FGGY: variants seen among roughly 807,000 people sequenced by gnomAD.
FGGY encodes FGGY carbohydrate kinase domain containing.
FGGY carries 72 observed loss-of-function variants against 71.3 expected under a neutral mutation model. The observed-to-expected ratio is 1.01, with a 90% CI of 0.84 to 1.23. The LOEUF (loss-of-function observed/expected upper bound fraction) is 1.23. Ranked by LOEUF, FGGY falls within the 50% of genes most tolerant of loss-of-function variation. FGGY has a pLI of 0.00. For synonymous variants in FGGY, 251 were observed against 250.3 expected (o/e 1.00, Z -0.02); for missense variants, 668 against 682.3 (o/e 0.98, Z 0.23).
intron 11 of FGGY, among the ~76,000 whole-genome samples, chr1:59,659,201 CA>C (rs1344880551): frequency 6.6e-6 from 1 of 151,616 alleles, no homozygotes; most frequent in Non-Finnish European, 1.5e-5. Context: ...GACTCTGTCT[CA>C]AAAAAAAGAG....
chr1:59,598,845 T>G (rs1360522066), intron 8 of FGGY, among the ~76,000 whole-genome samples: 1 of 152,250 alleles, frequency 6.6e-6, no homozygotes, highest in Non-Finnish European at 1.5e-5. Flanking sequence ...ATGGTAGCCA[T>G]GTCCTGCACT....
chr1:59,711,291 A>G (rs1460324617), intron 14 of FGGY, among the ~76,000 whole-genome samples: 3 of 152,098 alleles, frequency 2.0e-5, no homozygotes, highest in Non-Finnish European at 4.4e-5. Flanking sequence ...GGGCCTGTCA[A>G]GCAGTCGGGG....
At chr1:59,664,171 T>C (rs764933519) in intron 12 of FGGY, among the ~76,000 whole-genome samples, 1 of 152,254 alleles carries the variant, frequency 6.6e-6, no homozygotes, top group Non-Finnish European at 1.5e-5. Flanking sequence ...TTCGGTTCTG[T>C]ACATTCCCAG....
chr1:59,591,510 GA>G (rs2096436906), intron 8 of FGGY, among the ~76,000 whole-genome samples: 2 of 151,792 alleles, frequency 1.3e-5, no homozygotes, highest in South Asian at 4.1e-4. Context: ...GAACAAACTG[GA>G]GGCATCACGC....
At chr1:59,360,507 C>G (rs1330852611) in intron 4 of FGGY, among the ~76,000 whole-genome samples, 1 of 152,138 alleles carries the variant, frequency 6.6e-6, no homozygotes, top group Non-Finnish European at 1.5e-5. Flanking sequence ...CCAGGGCTTT[C>G]CCCCAGGCTT....
In FGGY at chr1:59,380,739, A is replaced by G. The variant is rs559594988; in HGVS notation, c.554+1902A>G. On this transcript the variant is annotated intron_variant, in intron 5 of 15. Transcript: ENST00000303721. Reference sequence around the variant, plus strand: ...TGCAAAAATTTTCTCCCATTCTGTAAGTTGCCTGTTCACTCTGATGGTAGT... The same window carrying G: ...TGCAAAAATTTTCTCCCATTCTGTAGGTTGCCTGTTCACTCTGATGGTAGT... Among the ~76,000 whole-genome samples the G allele has an allele frequency of 3.6e-4, 55 of 151,520 alleles. No homozygotes were observed. In the East Asian group the frequency reaches 0.01, roughly 28 times the overall value.
intron 10 of FGGY, among the ~76,000 whole-genome samples, chr1:59,629,914 G>A (rs548760909): frequency 1.3e-5 from 2 of 152,274 alleles, no homozygotes; most frequent in African/African-American, 4.8e-5. Context: ...CAATAATGAT[G>A]ATCACTACTA....
rs147116208 is a variant in FGGY at position 59,452,487 on chromosome 1, A to G, written c.555-4474A>G. Reference sequence around the variant, plus strand: ...CTGATTTCTCATTGTTTTCATCATTAAAAGATTCTACCATATTTTTCATCA... The same window carrying G: ...CTGATTTCTCATTGTTTTCATCATTGAAAGATTCTACCATATTTTTCATCA... On this transcript the variant is annotated intron_variant, in intron 5 of 15. Transcript: ENST00000303721. Among the ~76,000 whole-genome samples, 544 of 152,318 alleles carry G rather than the reference A, an allele frequency of 3.6e-3. 2 individuals carry two copies. The highest frequency in any genetic ancestry group is 0.012 in the African/African-American group (484 of 41,566).
chr1:59,447,712 C>T (rs996130673), intron 5 of FGGY, among the ~76,000 whole-genome samples: 1 of 152,188 alleles, frequency 6.6e-6, no homozygotes, highest in South Asian at 2.1e-4. Context: ...TTCTCCTCCT[C>T]TCTTGTCTGC....
chr1:59,474,407 A>T (rs2093157434), intron 6 of FGGY, among the ~76,000 whole-genome samples: 1 of 152,204 alleles, frequency 6.6e-6, no homozygotes, highest in Non-Finnish European at 1.5e-5. Context: ...AGACTCAGGG[A>T]TGTGAGGTGA....
chr1:59,457,038 G>C lies in FGGY; in HGVS notation c.632G>C (p.Gly211Ala), dbSNP rs1244349188. The C allele has an allele frequency of 6.2e-7, 1 of 1,613,942 alleles. No homozygotes were observed. The highest frequency in any genetic ancestry group is 1.3e-5 in the African/African-American group (1 of 74,916). Residue 211 changes from glycine to alanine, a missense_variant, in exon 6 of 16, where the codon GGT becomes GCT. Physicochemically the swap from Gly to Ala is moderately conservative, Grantham distance 60. Coordinates refer to ENST00000303721, the MANE Select transcript of FGGY (RefSeq NM_018291.5). ...GWDDSFWKMI[G>A]LEDFVADNYS... ...GACGACAGTTTCTGGAAAATGATTGGTTTGGAAGACTTTGTTGCAGATAAT... is the reference window on the plus strand; with the variant it reads ...GACGACAGTTTCTGGAAAATGATTGCTTTGGAAGACTTTGTTGCAGATAAT...
intron 9 of FGGY, among the ~76,000 whole-genome samples, chr1:59,620,018 A>AG (rs554224364): frequency 1.9e-4 from 29 of 152,056 alleles, no homozygotes; most frequent in African/African-American, 7.0e-4. Context: ...GAAAAGAGAG[A>AG]GGCCAAGGCT....
chr1:59,409,714 T>C (rs990278543), intron 5 of FGGY, among the ~76,000 whole-genome samples: 1 of 151,868 alleles, frequency 6.6e-6, no homozygotes, highest in East Asian at 1.9e-4. Context: ...AGTTAGTAGA[T>C]TGTCTTTCTA....
intron 5 of FGGY, among the ~76,000 whole-genome samples, chr1:59,417,087 A>T (rs2064585976): frequency 6.6e-6 from 1 of 152,204 alleles, no homozygotes; most frequent in Non-Finnish European, 1.5e-5. Flanking sequence ...TTCGCCCTCA[A>T]AAGAAATCTC....
intron 3 of FGGY, among the ~76,000 whole-genome samples, chr1:59,344,335 T>G (rs1331895929): frequency 2.0e-5 from 3 of 152,040 alleles, no homozygotes; most frequent in African/African-American, 7.2e-5. Flanking sequence ...TTTTAAACAT[T>G]CTTTTCAAAG....
chr1:59,713,256 C>T (rs1240630427), intron 14 of FGGY, among the ~76,000 whole-genome samples: 5 of 152,220 alleles, frequency 3.3e-5, no homozygotes, highest in Admixed American at 3.3e-4. Context: ...TTGTCAAAGC[C>T]ATTCAACAAG....
intron 11 of FGGY, among the ~76,000 whole-genome samples, chr1:59,648,989 C>G (rs909763915): frequency 6.6e-6 from 1 of 151,434 alleles, no homozygotes; most frequent in Non-Finnish European, 1.5e-5. Context: ...TTTCCCAGCA[C>G]CATTTATTAA....
At chr1:59,641,764 A>T (rs933110382) in intron 11 of FGGY, among the ~76,000 whole-genome samples, 1 of 152,246 alleles carries the variant, frequency 6.6e-6, no homozygotes, top group Non-Finnish European at 1.5e-5. Flanking sequence ...ATTCCCAATT[A>T]TATGATGAAT....
intron 5 of FGGY, among the ~76,000 whole-genome samples, chr1:59,425,228 T>C (rs947897211): frequency 7.2e-5 from 11 of 152,156 alleles, no homozygotes; most frequent in African/African-American, 2.7e-4. Context: ...CTGGGAAACA[T>C]GGATTATTTG....
Sources: gnomAD v4.1 joint callset for allele counts (sites outside exome capture counted in the v4.1 genomes callset) on GRCh38, gnomAD v4.1.1 for gene constraint, MANE v1.5 for transcripts, NCBI Gene and HGNC (gene_info 2026-07-23, HGNC 2026-07-21) for gene names.